C1orf174: variants seen among roughly 807,000 people sequenced by gnomAD.
C1orf174 encodes chromosome 1 open reading frame 174, also known as UPF0688 protein C1orf174.
Under a neutral mutation model 18.4 loss-of-function variants are expected in C1orf174, and 13 were observed. That is an observed-to-expected ratio of 0.71 (90% CI 0.46 to 1.12). C1orf174 has a LOEUF of 1.12. C1orf174 is among the 50% of genes most tolerant of loss of function. The pLI, the probability that C1orf174 is intolerant of heterozygous loss-of-function variation, is 0.00. For missense variants in C1orf174, 309 were observed against 308.0 expected (o/e 1.00, Z -0.02); for synonymous variants, 100 against 118.3 (o/e 0.85, Z 1.01).
At chr1:3,899,153 G>A (rs1041931415) in intron 1 of C1orf174, among the ~76,000 whole-genome samples, 3 of 152,128 alleles carry the variant, frequency 2.0e-5, no homozygotes, top group African/African-American at 4.8e-5. Context: ...CTTGTATAAA[G>A]AAAAGAAAAA....
At position 3,889,873 on chromosome 1, in the gene C1orf174, G is replaced by A. The variant is rs1446912978; in HGVS notation, c.*87C>T. 4.2e-6 allele frequency: 5 copies of A among 1,192,988 alleles called. No individual in the cohort carries two copies. In the African/African-American group the frequency reaches 7.5e-5, roughly 18 times the overall value. The allele number at this position is 1,192,988 out of a possible 1,614,324, so 73.9% of individuals were successfully genotyped here. On this transcript the variant is annotated 3_prime_UTR_variant, in exon 4 of 4. Transcript: ENST00000361605. Reference sequence around the variant, plus strand: ...AGTTTGATTAAGACATTCTCTTGGAGATACATTTTATATAAATCTTGTAAT... The same window carrying A: ...AGTTTGATTAAGACATTCTCTTGGAAATACATTTTATATAAATCTTGTAAT...
chr1:3,891,496 T>C, intron 2 of C1orf174: 2 of 683,860 alleles, frequency 2.9e-6, no homozygotes. Context: ...GCTCAAGAAA[T>C]ATTTGTGAAA....
chr1:3,889,934 C>T lies in C1orf174; in HGVS notation c.*26G>A. On this transcript the variant is annotated 3_prime_UTR_variant, in exon 4 of 4. Coordinates refer to ENST00000361605, the MANE Select transcript of C1orf174 (RefSeq NM_207356.3). ...GTCAAATTGTTAATGGTACTAAATA[C>T]TCAAGGACATTATTTTGTATGGCCC... The T allele has an allele frequency of 1.3e-6, 2 of 1,552,626 alleles. No individual in the cohort carries two copies. Among genetic ancestry groups the T allele is most frequent in the Non-Finnish European group, 1.8e-6 (2 of 1,124,022 alleles).
At chr1:3,897,681 T>C (rs1434728336) in intron 1 of C1orf174, among the ~76,000 whole-genome samples, 3 of 152,192 alleles carry the variant, frequency 2.0e-5, no homozygotes, top group Non-Finnish European at 4.4e-5. Context: ...CTTTTTTTTT[T>C]GAGACGGAGT....
Position 3,889,700 on chromosome 1 carries a change from G to GAAA in C1orf174, c.*257_*259dup, listed in dbSNP as rs59405380. The GAAA allele has an allele frequency of 6.8e-4, 99 of 146,260 alleles. No homozygotes were observed. The highest frequency in any genetic ancestry group is 1.9e-3 in the South Asian group (17 of 9,170). 9.1% of individuals were successfully genotyped at this position (146,260 alleles called of 1,614,324 possible). A position where few individuals can be genotyped will look rare whatever the true frequency, so the allele number is the denominator to read the frequency against. On this transcript the variant is annotated 3_prime_UTR_variant, in exon 4 of 4. Coordinates refer to ENST00000361605, the MANE Select transcript of C1orf174 (RefSeq NM_207356.3). ...ACAAGAGAGAAACTCTGTCTCCAAGGAAAAAAAAAAAAAAAAAAAAAGAAA... is the reference window on the plus strand; with the variant it reads ...ACAAGAGAGAAACTCTGTCTCCAAGGAAAAAAAAAAAAAAAAAAAAAAAAGAAA...
intron 1 of C1orf174, among the ~76,000 whole-genome samples, chr1:3,897,366 A>G (rs895794141): frequency 6.6e-6 from 1 of 152,256 alleles, no homozygotes; most frequent in Non-Finnish European, 1.5e-5. Context: ...TCTGGAGTAG[A>G]AAAGTACAAA....
At chr1:3,893,737 T>A (rs1384364661) in intron 1 of C1orf174, among the ~76,000 whole-genome samples, 1 of 151,998 alleles carries the variant, frequency 6.6e-6, no homozygotes, top group Non-Finnish European at 1.5e-5. Context: ...TTTAAAAAAT[T>A]TTTTTAAAAA....
chr1:3,897,840 T>G (rs1638634518), intron 1 of C1orf174, among the ~76,000 whole-genome samples: 1 of 152,106 alleles, frequency 6.6e-6, no homozygotes, highest in African/African-American at 2.4e-5. Context: ...ATTTTTTGTA[T>G]TTTTAGTAGA....
intron 1 of C1orf174, among the ~76,000 whole-genome samples, chr1:3,897,095 C>CA (rs1408397236): frequency 6.6e-6 from 1 of 151,950 alleles, no homozygotes; most frequent in African/African-American, 2.4e-5. Flanking sequence ...TCTAAAATGT[C>CA]AAAAAAATTA....
chr1:3,891,230 C>T (rs2124783358), intron 2 of C1orf174, 173 bp from the exon 3 acceptor site: 1 of 813,708 alleles, frequency 1.2e-6, no homozygotes, highest in East Asian at 2.7e-5. Flanking sequence ...ACAAGCGAGA[C>T]TGAATCTAGA....
At position 3,900,164 on chromosome 1, in the gene C1orf174, GCCCT is replaced by G. The variant is rs753464973; in HGVS notation, c.15+4_15+7del. On this transcript the variant is annotated splice_donor_5th_base_variant and intron_variant, in intron 1 of 3. Coordinates refer to ENST00000361605, the MANE Select transcript of C1orf174 (RefSeq NM_207356.3). ...CCGGCGCAGCTGCTGCCGGGACCCA[GCCCT>G]CACCTTCCGGCTCCTCATGAGTGTG... 4 of 1,585,714 alleles carry G rather than the reference GCCCT, an allele frequency of 2.5e-6. No homozygotes were observed. Among genetic ancestry groups the G allele is most frequent in the Non-Finnish European group, 3.4e-6 (4 of 1,174,512 alleles).
intron 1 of C1orf174, chr1:3,896,219 AGG>A (rs1399194927): frequency 6.5e-6 from 1 of 152,716 alleles, no homozygotes; most frequent in Non-Finnish European, 1.5e-5. Context: ...GATTGAGAAG[AGG>A]GGCCCTCCTT....
At chr1:3,894,404 G>A (rs1310750567) in intron 1 of C1orf174, among the ~76,000 whole-genome samples, 1 of 152,108 alleles carries the variant, frequency 6.6e-6, no homozygotes, top group South Asian at 2.1e-4. Flanking sequence ...TCAGGAGATC[G>A]AGACCATCCC....
At position 3,891,514 on chromosome 1, in the gene C1orf174, C is replaced by G. The variant is rs746807303; in HGVS notation, c.130-457G>C. 3 of 876,324 alleles carry G rather than the reference C, an allele frequency of 3.4e-6. No homozygotes were observed. In the African/African-American group the frequency reaches 5.5e-5, roughly 16 times the overall value. The allele number at this position is 876,324 out of a possible 1,614,324, so 54.3% of individuals were successfully genotyped here. On this transcript the variant is annotated intron_variant, in intron 2 of 3. Coordinates refer to ENST00000361605, the MANE Select transcript of C1orf174 (RefSeq NM_207356.3). ...CAAGAAATATTTGTGAAATTGACTTCGACAAAATTTTACCAAGCACCTCAT... is the reference window on the plus strand; with the variant it reads ...CAAGAAATATTTGTGAAATTGACTTGGACAAAATTTTACCAAGCACCTCAT...
In C1orf174 at chr1:3,900,190, T is replaced by C. The variant is rs756648854; in HGVS notation, c.-4A>G. On this transcript the variant is annotated 5_prime_UTR_variant, in exon 1 of 4. Coordinates refer to ENST00000361605, the MANE Select transcript of C1orf174 (RefSeq NM_207356.3). ...CCCTCACCTTCCGGCTCCTCATGAGTGTGAGCACCGCAGCCAAGCACCGCG... is the reference window on the plus strand; with the variant it reads ...CCCTCACCTTCCGGCTCCTCATGAGCGTGAGCACCGCAGCCAAGCACCGCG... 18 of 1,584,270 alleles carry C rather than the reference T, an allele frequency of 1.1e-5. No homozygotes were observed. The highest frequency in any genetic ancestry group is 1.7e-4 in the Middle Eastern group (1 of 5,966).
At chr1:3,891,542 T>C (rs1426707458) in intron 2 of C1orf174, 1 of 973,162 alleles carries the variant, frequency 1.0e-6, no homozygotes, top group Non-Finnish European at 1.2e-6. Context: ...CACCTCATCA[T>C]GAGCAAAGCT....
chr1:3,899,079 T>C lies in C1orf174; in HGVS notation c.15+1093A>G, dbSNP rs545487022. Among the ~76,000 whole-genome samples the C allele has an allele frequency of 7.8e-4, 119 of 152,264 alleles. 1 individual carries two copies. In the South Asian group the frequency reaches 0.016, roughly 20 times the overall value. ...TGGAAAAAAAATCATTAAATTAAAA[T>C]GCTACATTAGGAAATATTCACTTTA... On this transcript the variant is annotated intron_variant, in intron 1 of 3. Transcript: ENST00000361605.
At chr1:3,891,572 A>C in intron 2 of C1orf174, 3 of 985,826 alleles carry the variant, frequency 3.0e-6, no homozygotes, top group Non-Finnish European at 3.6e-6. Flanking sequence ...ACGCTGGCAT[A>C]TGGCCAAGTC....
chr1:3,890,097 T>C lies in C1orf174; in HGVS notation c.619-24A>G, dbSNP rs147063345. 2.7e-4 allele frequency: 434 copies of C among 1,587,916 alleles called. No individual in the cohort carries two copies. In the African/African-American group the frequency reaches 5.1e-3, roughly 19 times the overall value. On this transcript the variant is annotated intron_variant, in intron 3 of 3. Transcript: ENST00000361605. ...TCCTTAGTGGAGAAGAAAACATGAC[T>C]TCAGTCATGAGCAATACATATCTGC...
Sources: allele counts gnomAD v4.1 joint callset (sites outside exome capture counted in the v4.1 genomes callset), GRCh38; gene constraint gnomAD v4.1.1; transcripts MANE v1.5; gene names NCBI Gene and HGNC (gene_info 2026-07-23, HGNC 2026-07-21).